Variants in CP observed in about 807,000 individuals in gnomAD.
CP encodes the protein caeruloplasmin.
In CP, 64 loss-of-function variants were observed where a neutral mutation model predicts 122.4. The ratio of observed to expected loss-of-function variants is 0.52; its 90% CI spans 0.43 to 0.64. CP has a LOEUF of 0.64. Among genes scored for constraint, CP ranks in the 30% least tolerant of loss-of-function variants. The probability of loss-of-function intolerance (pLI) is 0.00; values close to 1 mark genes in which losing one functional copy is unlikely to be tolerated. For missense variants in CP, 1,167 were observed against 1,284.4 expected, an observed-to-expected ratio of 0.91 and a Z score of 1.40; for synonymous variants, 440 against 436.4, an observed-to-expected ratio of 1.01 and a Z score of -0.10.
intron 1 of CP, among the ~76,000 whole-genome samples, chr3:149,219,432 A>G (rs949338463): frequency 5.3e-5 from 8 of 152,120 alleles, no homozygotes; most frequent in African/African-American, 1.4e-4. Context: ...TGAATCATGG[A>G]TGTGGTTTCC....
At chr3:149,170,682 A>C (rs374249487), downstream of CP, 2 of 152,356 alleles carry the variant, frequency 1.3e-5, no homozygotes, top group East Asian at 1.9e-4. Context: ...TTTAGCAACA[A>C]AGGCAGTTCA....
downstream of CP, among the ~76,000 whole-genome samples, chr3:149,171,660 T>C (rs570715297): frequency 7.9e-5 from 12 of 152,128 alleles, no homozygotes; most frequent in East Asian, 2.3e-3. Flanking sequence ...CTGATTTTTT[T>C]CTTTGAAGTT....
At chr3:149,212,308 T>A (rs1432557985) in intron 2 of CP, 143 bp downstream of exon 2, 36 of 838,870 alleles carry the variant, frequency 4.3e-5, no homozygotes, top group African/African-American at 1.1e-4. Context: ...TCAAAAAAAA[T>A]TAAAAAAAAA....
At chr3:149,185,588 C>T in intron 11 of CP, 142 bp from the exon 12 acceptor site, 1 of 756,938 alleles carries the variant, frequency 1.3e-6, no homozygotes, top group Non-Finnish European at 2.2e-6. Flanking sequence ...CCTGCTCCAT[C>T]CATCCTTTTG....
chr3:149,205,747 A>G (rs1377776701), intron 6 of CP, among the ~76,000 whole-genome samples: 1 of 152,172 alleles, frequency 6.6e-6, no homozygotes, highest in East Asian at 1.9e-4. Flanking sequence ...GAAAGAGTGG[A>G]AGAAGGTTGT....
At chr3:149,209,870 TA>T (rs777494168) in intron 3 of CP, among the ~76,000 whole-genome samples, 2 of 152,190 alleles carry the variant, frequency 1.3e-5, no homozygotes, top group African/African-American at 2.4e-5. Flanking sequence ...TCACATTTGG[TA>T]AAGTCATATG....
intron 2 of CP, 59 bp downstream of exon 2, chr3:149,212,392 C>G (rs1202492409): frequency 1.4e-5 from 22 of 1,598,356 alleles, no homozygotes; most frequent in Admixed American, 1.0e-4. Flanking sequence ...ATTTTAGAAG[C>G]TAAAAGGCAC....
intron 6 of CP, among the ~76,000 whole-genome samples, chr3:149,205,332 A>G (rs1014765532): frequency 6.7e-6 from 1 of 149,864 alleles, no homozygotes; most frequent in African/African-American, 2.4e-5. Flanking sequence ...TAAAAATAGA[A>G]TTACCATTTC....
rs146345788 is a variant in CP, at chr3:149,190,656, T to TAAAA, written c.1714-2458_1714-2455dup. Among the ~76,000 whole-genome samples the TAAAA allele has an allele frequency of 4.7e-5, 3 of 64,092 alleles. 1 individual carries two copies. Among genetic ancestry groups the TAAAA allele is most frequent in the Non-Finnish European group, 1.0e-4 (3 of 29,648 alleles). The allele number at this position is 64,092 out of a possible 152,430, so 42.0% of individuals were successfully genotyped here. ...CTGGGCGACAGAGGAAGACTCTGTCTAAAAAAAAAAAAAAAAAAAAAAGGA... is the reference window on the plus strand; with the variant it reads ...CTGGGCGACAGAGGAAGACTCTGTCTAAAAAAAAAAAAAAAAAAAAAAAAAAGGA... On this transcript the variant is annotated intron_variant, in intron 9 of 18. Transcript: ENST00000264613.
downstream of CP, among the ~76,000 whole-genome samples, chr3:149,170,894 A>G (rs1044707261): frequency 6.6e-6 from 1 of 152,166 alleles, no homozygotes; most frequent in African/African-American, 2.4e-5. Context: ...TCACCCTTCT[A>G]TTCCGGGAGA....
chr3:149,167,090 A>C lies in CP; in HGVS notation c.587-1040T>G. 6.2e-7 allele frequency: 1 copy of C among 1,613,998 alleles called. No individual in the cohort carries two copies. The highest frequency in any genetic ancestry group is 1.7e-5 in the Admixed American group (1 of 60,016). ...CTTCCATTATTCCGTTCTTGGAGCC[A>C]CTTTCAGAAGACACTATTGCCGGCC... On this transcript the variant is annotated intron_variant, in intron 4 of 5. Coordinates refer to the CP transcript ENST00000479771.
At chr3:149,216,086 A>G (rs1728440136) in intron 1 of CP, among the ~76,000 whole-genome samples, 1 of 152,212 alleles carries the variant, frequency 6.6e-6, no homozygotes. Flanking sequence ...TTATAGGTGA[A>G]AAGTTTCTGG....
At chr3:149,187,138 T>A (rs1391266182) in intron 10 of CP, among the ~76,000 whole-genome samples, 1 of 152,120 alleles carries the variant, frequency 6.6e-6, no homozygotes, top group East Asian at 1.9e-4. Context: ...AAAAAAAAAG[T>A]CTCTAATTCA....
chr3:149,172,351 CACACAT>C (rs1725089121), downstream of CP: 2 of 702,216 alleles, frequency 2.8e-6, no homozygotes, highest in Admixed American at 2.1e-5. Context: ...CACACACACA[CACACAT>C]ATATGATACA....
chr3:149,207,547 G>T lies in CP; in HGVS notation c.852C>A (p.Tyr284Ter). 1 of 1,613,968 alleles carries T rather than the reference G, an allele frequency of 6.2e-7. No homozygotes were observed. The highest frequency in any genetic ancestry group is 8.5e-7 in the Non-Finnish European group (1 of 1,179,886). ...SMCAEDRVKW[Y>*]LFGMGNEVDV... is the part of the protein sequence containing the mutation. ...CAACTTCATTACCCATACCAAAAAGGTACCATTTTACTCTGTCTTCAGCAC... is the reference window on the plus strand; with the variant it reads ...CAACTTCATTACCCATACCAAAAAGTTACCATTTTACTCTGTCTTCAGCAC... The change falls in exon 5 of 19, where the codon TAC becomes TAA. Residue 284 changes from tyrosine (Y) to a stop codon, truncating the protein, a stop_gained. Coordinates refer to ENST00000264613, the MANE Select transcript of CP (RefSeq NM_000096.4). LOFTEE classifies it high-confidence loss of function.
At chr3:149,205,195 A>C (rs1313997753) in intron 6 of CP, among the ~76,000 whole-genome samples, 7 of 151,280 alleles carry the variant, frequency 4.6e-5, no homozygotes, top group Admixed American at 6.6e-5. Flanking sequence ...TATTAAAAAA[A>C]AAAACAAAAC....
At chr3:149,181,974 G>GGGGGGGGGGGGGGGGGGGC in intron 14 of CP, 31 bp downstream of exon 14, 6 of 1,356,690 alleles carry the variant, frequency 4.4e-6, no homozygotes, top group African/African-American at 1.5e-5. Context: ...CTGTTAAAAT[G>GGGGGGGGGGGGGGGGGGGC]CACCACCCCC....
intron 9 of CP, among the ~76,000 whole-genome samples, chr3:149,195,114 T>G (rs1168943405): frequency 6.6e-6 from 1 of 152,322 alleles, no homozygotes; most frequent in South Asian, 2.1e-4. Context: ...ATAAATATGA[T>G]CCGCTCCTCG....
chr3:149,174,997 G>A (rs1041485079), intron 18 of CP, among the ~76,000 whole-genome samples: 4 of 151,768 alleles, frequency 2.6e-5, no homozygotes, highest in Non-Finnish European at 5.9e-5. Context: ...CTTCTTTCAC[G>A]GTTGTTACAC....
Sources: allele counts gnomAD v4.1 joint callset (sites outside exome capture counted in the v4.1 genomes callset), GRCh38; gene constraint gnomAD v4.1.1; transcripts MANE v1.5; gene names NCBI Gene and HGNC (gene_info 2026-07-23, HGNC 2026-07-21).